Variants in GPHN observed in about 807,000 individuals in gnomAD.
GPHN encodes gephyrin.
Under a neutral mutation model 95.5 loss-of-function variants are expected in GPHN, and 17 were observed. The ratio of observed to expected loss-of-function variants is 0.18; its 90% CI spans 0.12 to 0.27. GPHN has a LOEUF of 0.27. Among genes scored for constraint, GPHN ranks in the 10% least tolerant of loss-of-function variants. The pLI is 1.00. For synonymous variants in GPHN, 320 were observed against 322.5 expected (o/e 0.99, Z 0.08); for missense variants, 660 against 978.1 (o/e 0.67, Z 4.34).
At chr14:67,355,972 G>A in the GPHN span, among the ~76,000 whole-genome samples, 1 of 152,086 alleles carries the variant, frequency 6.6e-6, no homozygotes, top group East Asian at 1.9e-4. Context: ...ACTGCAGCCT[G>A]GACAACAGAG....
chr14:67,172,989 C>T (rs890493203), intron 21 of GPHN, among the ~76,000 whole-genome samples: 2 of 152,182 alleles, frequency 1.3e-5, no homozygotes, highest in African/African-American at 2.4e-5. Context: ...CCAGGGGCAA[C>T]CCTTCTTCTC....
At chr14:67,584,459 TCCACTGGTTTGACATGGCATA>T in the GPHN span, among the ~76,000 whole-genome samples, 1 of 152,206 alleles carries the variant, frequency 6.6e-6, no homozygotes, top group Non-Finnish European at 1.5e-5. Flanking sequence ...CAAATACATC[TCCACTGGTTTGACATGGCATA>T]CAGGGGAATC....
the GPHN span, among the ~76,000 whole-genome samples, chr14:67,348,690 T>C: frequency 2.0e-5 from 3 of 150,324 alleles, no homozygotes; most frequent in African/African-American, 7.4e-5. Context: ...CCTGGCTAAT[T>C]TTTGTATTAT....
chr14:67,173,231 C>T lies in GPHN; in HGVS notation c.2079+4195C>T, dbSNP rs144152694. On this transcript the variant is annotated intron_variant, in intron 21 of 22. Transcript: ENST00000478722. ...CTGGCCCCACATCCACTCTAAGCACCTGTACCAGGAACCCGGTGCTGCAGT... is the reference window on the plus strand; with the variant it reads ...CTGGCCCCACATCCACTCTAAGCACTTGTACCAGGAACCCGGTGCTGCAGT... Among the ~76,000 whole-genome samples the T allele has an allele frequency of 3.8e-3, 580 of 152,330 alleles. 2 individuals are homozygous for T. Among genetic ancestry groups the T allele is most frequent in the African/African-American group, 0.013 (540 of 41,584 alleles).
At chr14:66,950,623 T>C (rs568235476) in intron 8 of GPHN, among the ~76,000 whole-genome samples, 1 of 152,296 alleles carries the variant, frequency 6.6e-6, no homozygotes, top group Non-Finnish European at 1.5e-5. Context: ...TCCTTGTTTC[T>C]CCCTAGTTGT....
the GPHN span, among the ~76,000 whole-genome samples, chr14:67,382,178 G>T: frequency 6.6e-6 from 1 of 151,812 alleles, no homozygotes; most frequent in Non-Finnish European, 1.5e-5. Flanking sequence ...AAAGATACAC[G>T]GAAATGATAA....
chr14:67,298,399 C>T, the GPHN span, among the ~76,000 whole-genome samples: 3 of 151,712 alleles, frequency 2.0e-5, no homozygotes, highest in African/African-American at 7.3e-5. Flanking sequence ...CCTGTAATCC[C>T]AGCTACTCAG....
the GPHN span, among the ~76,000 whole-genome samples, chr14:67,485,871 A>G: frequency 6.6e-6 from 1 of 152,214 alleles, no homozygotes; most frequent in Non-Finnish European, 1.5e-5. Context: ...GCAAGAGGAC[A>G]TGCTCCTCCA....
the GPHN span, chr14:67,572,144 T>C: frequency 1.2e-6 from 2 of 1,606,800 alleles, no homozygotes; most frequent in African/African-American, 1.3e-5. Context: ...GGCGTCTCCA[T>C]GTCCTCACTG....
At chr14:67,332,933 G>A in the GPHN span, 2 of 1,609,122 alleles carry the variant, frequency 1.2e-6, no homozygotes, top group South Asian at 1.1e-5. Flanking sequence ...ACCTCAGTGG[G>A]TACCATCCAC....
the GPHN span, among the ~76,000 whole-genome samples, chr14:67,346,134 C>A: frequency 6.6e-6 from 1 of 152,138 alleles, no homozygotes; most frequent in Non-Finnish European, 1.5e-5. Flanking sequence ...AGCTTGATGC[C>A]CCTTATTCCC....
the GPHN span, among the ~76,000 whole-genome samples, chr14:67,689,020 T>G: frequency 2.6e-5 from 4 of 152,204 alleles, no homozygotes; most frequent in African/African-American, 9.7e-5. Context: ...CACTGAATCC[T>G]CACAACTATC....
At chr14:66,740,438 A>G (rs138858900) in intron 2 of GPHN, among the ~76,000 whole-genome samples, 1,827 of 152,230 alleles carry the variant, frequency 0.012, 19 homozygotes, top group Non-Finnish European at 0.018. Flanking sequence ...AGAATATCTT[A>G]TTTAATAGTA....
At position 66,605,471 on chromosome 14, in the gene GPHN, T is replaced by C. The variant is rs189928304; in HGVS notation, c.65-75636T>C. 3.8e-3 allele frequency among the ~76,000 whole-genome samples: 582 copies of C among 152,218 alleles called. 5 individuals carry two copies. Among genetic ancestry groups the C allele is most frequent in the African/African-American group, 0.013 (558 of 41,558 alleles). On this transcript the variant is annotated intron_variant, in intron 1 of 22. Coordinates refer to ENST00000478722, the MANE Select transcript of GPHN (RefSeq NM_020806.5). ...ATTAGTGATGATGAACATTTTTCAT[T>C]TATTTCTTGGCCACTTACAATGTCT...
At chr14:66,650,213 C>A (rs547930537) in intron 1 of GPHN, among the ~76,000 whole-genome samples, 1 of 152,208 alleles carries the variant, frequency 6.6e-6, no homozygotes, top group South Asian at 2.1e-4. Flanking sequence ...TGGTGACTGG[C>A]TGTCCAAAGC....
chr14:67,401,877 A>G, the GPHN span, among the ~76,000 whole-genome samples: 1 of 151,996 alleles, frequency 6.6e-6, no homozygotes, highest in Non-Finnish European at 1.5e-5. Flanking sequence ...TAATTCCAAC[A>G]TTTTGGGAGG....
the GPHN span, among the ~76,000 whole-genome samples, chr14:67,712,482 G>GA: frequency 3.9e-4 from 4 of 10,172 alleles, no homozygotes; most frequent in Non-Finnish European, 1.7e-3. Flanking sequence ...CAACTGAGAA[G>GA]AAAAAACTTG....
chr14:66,796,836 T>C (rs1595929733), intron 3 of GPHN, among the ~76,000 whole-genome samples: 1 of 151,982 alleles, frequency 6.6e-6, no homozygotes. Context: ...ATACTCCTAT[T>C]TGTCCATTTT....
chr14:66,976,920 G>C (rs1365562378), intron 9 of GPHN, among the ~76,000 whole-genome samples: 5 of 139,998 alleles, frequency 3.6e-5, no homozygotes, highest in South Asian at 2.7e-4. Context: ...ATATGTGGGG[G>C]GGGGGGGAGT....
Sources: gnomAD v4.1 joint callset for allele counts (sites outside exome capture counted in the v4.1 genomes callset) on GRCh38, gnomAD v4.1.1 for gene constraint, MANE v1.5 for transcripts, NCBI Gene and HGNC (gene_info 2026-07-23, HGNC 2026-07-21) for gene names.